The following EHBP1 variants were observed in gnomAD, a reference collection of about 807,000 sequenced individuals.
The protein encoded by EHBP1 is EH domain-binding protein 1.
EHBP1 carries 55 observed loss-of-function variants against 144.0 expected under a neutral mutation model. The ratio of observed to expected loss-of-function variants is 0.38; its 90% confidence interval spans 0.31 to 0.48. The LOEUF (loss-of-function observed/expected upper bound fraction) is 0.48, where lower values mean the gene tolerates loss of function less well. EHBP1 is among the 20% of genes least tolerant of loss of function. The pLI is 0.98. For synonymous variants in EHBP1, 469 were observed against 472.7 expected (o/e 0.99, Z 0.10); for missense variants, 1,200 against 1,364.2 (o/e 0.88, Z 1.90).
chr2:62,974,122 C>A (rs564726215), intron 14 of EHBP1, among the ~76,000 whole-genome samples: 2 of 152,144 alleles, frequency 1.3e-5, no homozygotes, highest in Admixed American at 6.5e-5. Flanking sequence ...TATGAATAAG[C>A]TTGTGTCTCC....
In EHBP1 at chr2:62,835,533, G is replaced by A. The variant is rs537098015; in HGVS notation, c.634+4375G>A. Among the ~76,000 whole-genome samples the A allele has an allele frequency of 2.8e-4, 43 of 152,308 alleles. No individual in the cohort carries two copies. The East Asian group carries it at 4.3e-3, about 15-fold the overall frequency. Reference sequence around the variant, plus strand: ...ACAGCTCCGGTCTACAGCTCCCAGCGTGAGCGACGCAGAAGACGGGTGATT... The same window carrying A: ...ACAGCTCCGGTCTACAGCTCCCAGCATGAGCGACGCAGAAGACGGGTGATT... On this transcript the variant is annotated intron_variant, in intron 7 of 22. Transcript: ENST00000431489.
intron 10 of EHBP1, among the ~76,000 whole-genome samples, chr2:62,898,485 G>C (rs1447908094): frequency 6.6e-6 from 1 of 152,148 alleles, no homozygotes; most frequent in African/African-American, 2.4e-5. Flanking sequence ...CTCTAAAGCA[G>C]AGAAACATTA....
chr2:62,813,176 C>T (rs2045162107), intron 5 of EHBP1, among the ~76,000 whole-genome samples: 1 of 152,186 alleles, frequency 6.6e-6, no homozygotes, highest in Non-Finnish European at 1.5e-5. Context: ...TGAATTCCAG[C>T]TCAGTGATTT....
At chr2:62,967,609 C>T (rs1012504296) in intron 14 of EHBP1, among the ~76,000 whole-genome samples, 4 of 152,098 alleles carry the variant, frequency 2.6e-5, no homozygotes, top group East Asian at 1.9e-4. Context: ...TTGTATCTTA[C>T]GGGATTTTTC....
At chr2:62,836,673 C>T (rs1344256052) in intron 7 of EHBP1, among the ~76,000 whole-genome samples, 13 of 115,508 alleles carry the variant, frequency 1.1e-4, no homozygotes, top group East Asian at 5.4e-4. Flanking sequence ...AACCAAGGCT[C>T]GAGAACTACG....
At chr2:62,844,527 T>C (rs1222378807) in intron 7 of EHBP1, among the ~76,000 whole-genome samples, 2 of 152,152 alleles carry the variant, frequency 1.3e-5, no homozygotes, top group African/African-American at 4.8e-5. Flanking sequence ...GTAGAAATTA[T>C]GAAACCATAT....
chr2:62,952,820 G>A (rs1401514795), intron 13 of EHBP1, among the ~76,000 whole-genome samples: 1 of 152,120 alleles, frequency 6.6e-6, no homozygotes, highest in Non-Finnish European at 1.5e-5. Flanking sequence ...ATATAATGTG[G>A]TCAACATTAC....
chr2:62,842,063 G>A (rs917494221), intron 7 of EHBP1, among the ~76,000 whole-genome samples: 1 of 151,980 alleles, frequency 6.6e-6, no homozygotes, highest in Admixed American at 6.6e-5. Context: ...AAGGGACAAG[G>A]GACCAAGGGA....
At chr2:62,887,179 C>T (rs938333388) in intron 10 of EHBP1, among the ~76,000 whole-genome samples, 2 of 152,006 alleles carry the variant, frequency 1.3e-5, no homozygotes, top group Non-Finnish European at 2.9e-5. Context: ...CCATTCTAGT[C>T]AACAAGAAGG....
chr2:63,008,104 T>G (rs927802593), intron 19 of EHBP1, among the ~76,000 whole-genome samples: 7 of 151,712 alleles, frequency 4.6e-5, no homozygotes, highest in Non-Finnish European at 1.0e-4. Context: ...ATATGCCACA[T>G]CTACAAAGTT....
intron 8 of EHBP1, among the ~76,000 whole-genome samples, chr2:62,862,066 A>G (rs529956184): frequency 6.6e-6 from 1 of 152,278 alleles, no homozygotes; most frequent in Admixed American, 6.5e-5. Flanking sequence ...TAAAGATTCT[A>G]GTGGTGTTAA....
chr2:62,807,340 G>T (rs962019784), intron 5 of EHBP1, among the ~76,000 whole-genome samples: 1 of 152,198 alleles, frequency 6.6e-6, no homozygotes, highest in Non-Finnish European at 1.5e-5. Flanking sequence ...CTGAGGTCGG[G>T]AGTTCAAGAC....
intron 14 of EHBP1, among the ~76,000 whole-genome samples, chr2:62,961,571 C>T (rs1273995453): frequency 6.6e-6 from 1 of 152,048 alleles, no homozygotes; most frequent in East Asian, 1.9e-4. Flanking sequence ...TTAAGTACAA[C>T]TCAGGAGTTT....
intron 21 of EHBP1, among the ~76,000 whole-genome samples, chr2:63,042,823 G>A (rs1461272846): frequency 6.6e-6 from 1 of 151,780 alleles, no homozygotes; most frequent in Admixed American, 6.6e-5. Flanking sequence ...GAATAATTAA[G>A]AAAATTATAT....
At chr2:62,758,487 G>A (rs954781693) in intron 3 of EHBP1, among the ~76,000 whole-genome samples, 14 of 152,132 alleles carry the variant, frequency 9.2e-5, no homozygotes, top group Non-Finnish European at 2.1e-4. Context: ...TTCTCTTTAA[G>A]TCATGGCTTT....
At chr2:62,992,324 A>T (rs1024483884) in intron 16 of EHBP1, among the ~76,000 whole-genome samples, 1 of 152,192 alleles carries the variant, frequency 6.6e-6, no homozygotes, top group African/African-American at 2.4e-5. Context: ...AGGATATTAT[A>T]AGCATGATAT....
At chr2:62,704,332 C>T (rs1440426852), upstream of EHBP1, among the ~76,000 whole-genome samples, 1 of 152,144 alleles carries the variant, frequency 6.6e-6, no homozygotes, top group African/African-American at 2.4e-5. Context: ...ATATCTGTCT[C>T]CCCATCTCTC....
chr2:62,687,564 T>C (rs1219223637), intron 1 of EHBP1, among the ~76,000 whole-genome samples: 1 of 152,232 alleles, frequency 6.6e-6, no homozygotes, highest in East Asian at 1.9e-4. Context: ...ATTTGCCTAA[T>C]TTTCTAGGTA....
At chr2:62,737,805 C>G (rs1302051381) in intron 2 of EHBP1, among the ~76,000 whole-genome samples, 5 of 152,082 alleles carry the variant, frequency 3.3e-5, no homozygotes, top group African/African-American at 9.7e-5. Flanking sequence ...GCTTTGTCAG[C>G]CAGGCTAGAG....
Sources: allele counts gnomAD v4.1 joint callset (sites outside exome capture counted in the v4.1 genomes callset), GRCh38; gene constraint gnomAD v4.1.1; transcripts MANE v1.5; gene names NCBI Gene and HGNC (gene_info 2026-07-23, HGNC 2026-07-21).